MLLT3: variants seen among roughly 807,000 people sequenced by gnomAD.
The protein encoded by MLLT3 is protein AF-9.
Under a neutral mutation model 53.2 loss-of-function variants are expected in MLLT3, and 4 were observed. The ratio of observed to expected loss-of-function variants is 0.08; its 90% CI spans 0.04 to 0.17. MLLT3 has a LOEUF of 0.17. Among genes scored for constraint, MLLT3 ranks in the 10% least tolerant of loss-of-function variants. The pLI is 1.00. For missense variants in MLLT3, 569 were observed against 684.0 expected, an observed-to-expected ratio of 0.83 and a Z score of 1.87; for synonymous variants, 283 against 230.6, an observed-to-expected ratio of 1.23 and a Z score of -2.06.
At chr9:20,530,139 G>A (rs1397469249) in intron 2 of MLLT3, among the ~76,000 whole-genome samples, 1 of 152,150 alleles carries the variant, frequency 6.6e-6, no homozygotes, top group African/African-American at 2.4e-5. Flanking sequence ...GCTTAGAAAC[G>A]CCATGTTTTA....
chr9:20,437,891 A>G (rs1823445398), intron 4 of MLLT3, among the ~76,000 whole-genome samples: 1 of 152,226 alleles, frequency 6.6e-6, no homozygotes, highest in Non-Finnish European at 1.5e-5. Context: ...GGGCTACATT[A>G]TTCAGCTGGT....
chr9:20,418,102 A>C (rs1822917832), intron 4 of MLLT3, among the ~76,000 whole-genome samples: 1 of 152,214 alleles, frequency 6.6e-6, no homozygotes, highest in Admixed American at 6.5e-5. Flanking sequence ...TTACTTATCA[A>C]AACCAACAAA....
chr9:20,494,230 A>G (rs888031760), intron 2 of MLLT3, among the ~76,000 whole-genome samples: 5 of 152,090 alleles, frequency 3.3e-5, no homozygotes, highest in Non-Finnish European at 7.4e-5. Context: ...TCAGGATCCT[A>G]AGGAATTTTC....
At chr9:20,522,839 T>C (rs1003702152) in intron 2 of MLLT3, among the ~76,000 whole-genome samples, 2 of 152,122 alleles carry the variant, frequency 1.3e-5, no homozygotes, top group African/African-American at 4.8e-5. Context: ...TGCGTGCCTG[T>C]AGGGCCAGCT....
chr9:20,582,011 TCTC>T (rs902610990), intron 2 of MLLT3, among the ~76,000 whole-genome samples: 8 of 152,204 alleles, frequency 5.3e-5, no homozygotes, highest in African/African-American at 1.9e-4. Flanking sequence ...ATTAAATTAT[TCTC>T]CTTACAAAAC....
intron 2 of MLLT3, among the ~76,000 whole-genome samples, chr9:20,495,881 G>A (rs964462912): frequency 4.6e-5 from 7 of 152,022 alleles, no homozygotes; most frequent in African/African-American, 9.7e-5. Flanking sequence ...ATAGGCCCTC[G>A]GCTCACAGTA....
intron 1 of MLLT3, chr9:20,622,006 T>C: frequency 8.7e-7 from 1 of 1,143,804 alleles, no homozygotes; most frequent in Non-Finnish European, 1.1e-6. Flanking sequence ...GCGCGGGGGG[T>C]GGAGGGGCGA....
chr9:20,532,542 G>A lies in MLLT3; in HGVS notation c.194-75756C>T, dbSNP rs773212345. On this transcript the variant is annotated intron_variant, in intron 2 of 10. Coordinates refer to ENST00000380338, the MANE Select transcript of MLLT3 (RefSeq NM_004529.4). ...AAATGTCATCTTGCTCTCTCCTTCC[G>A]CCACCCAAGGTTCCCAAAGGAAAGA... 7.3e-5 allele frequency: 16 copies of A among 219,840 alleles called. No individual in the cohort carries two copies. In the South Asian group the frequency reaches 7.7e-4, roughly 11 times the overall value. 13.6% of individuals were successfully genotyped at this position (219,840 alleles called of 1,614,324 possible). A position where few individuals can be genotyped will look rare whatever the true frequency, so the allele number is the denominator to read the frequency against.
At chr9:20,500,973 T>C (rs1348257024) in intron 2 of MLLT3, among the ~76,000 whole-genome samples, 1 of 152,192 alleles carries the variant, frequency 6.6e-6, no homozygotes, top group East Asian at 1.9e-4. Flanking sequence ...AAATCATTCT[T>C]TCATTAGTTT....
intron 4 of MLLT3, among the ~76,000 whole-genome samples, chr9:20,422,904 C>T (rs918535384): frequency 5.9e-5 from 9 of 152,162 alleles, no homozygotes; most frequent in Admixed American, 1.3e-4. Flanking sequence ...CTAATCCAGA[C>T]TGATGTAGAA....
chr9:20,349,472 GC>G (rs1447057043), intron 10 of MLLT3, among the ~76,000 whole-genome samples: 1 of 151,542 alleles, frequency 6.6e-6, no homozygotes. Flanking sequence ...CATTTCATTA[GC>G]ACTAAAATAA....
chr9:20,400,666 T>C (rs1822432094), intron 5 of MLLT3, among the ~76,000 whole-genome samples: 1 of 152,042 alleles, frequency 6.6e-6, no homozygotes, highest in Admixed American at 6.6e-5. Flanking sequence ...TGAGTGATGG[T>C]CCATGAAGGG....
chr9:20,425,861 G>A (rs1823127791), intron 4 of MLLT3, among the ~76,000 whole-genome samples: 3 of 151,802 alleles, frequency 2.0e-5, no homozygotes, highest in South Asian at 4.2e-4. Context: ...AGAATTTAAG[G>A]TAAACCCAAT....
At chr9:20,547,604 A>G (rs942240294) in intron 2 of MLLT3, among the ~76,000 whole-genome samples, 16 of 144,116 alleles carry the variant, frequency 1.1e-4, no homozygotes, top group Non-Finnish European at 1.8e-4. Context: ...AGATCGCACC[A>G]TTGCACTCCA....
intron 2 of MLLT3, among the ~76,000 whole-genome samples, chr9:20,496,087 A>AT (rs1825073670): frequency 6.6e-6 from 1 of 152,304 alleles, no homozygotes; most frequent in South Asian, 2.1e-4. Flanking sequence ...AGTCCACAGA[A>AT]TTTTTAACAA....
chr9:20,354,311 T>A (rs921236599), intron 9 of MLLT3, among the ~76,000 whole-genome samples: 1 of 152,230 alleles, frequency 6.6e-6, no homozygotes, highest in African/African-American at 2.4e-5. Flanking sequence ...CCAGCACCAT[T>A]TGCGATAAAG....
chr9:20,372,630 G>A (rs533858277), intron 5 of MLLT3, among the ~76,000 whole-genome samples: 5 of 132,662 alleles, frequency 3.8e-5, no homozygotes, highest in Non-Finnish European at 6.1e-5. Context: ...GGATGGTCTC[G>A]ATCTCCTGAC....
At chr9:20,471,307 T>C (rs1192723278) in intron 2 of MLLT3, among the ~76,000 whole-genome samples, 1 of 151,970 alleles carries the variant, frequency 6.6e-6, no homozygotes, top group African/African-American at 2.4e-5. Flanking sequence ...TTTAAAACAG[T>C]AATGCGATGT....
rs564418745 is a variant in MLLT3, at chr9:20,584,742, G to A, written c.193+35912C>T. On this transcript the variant is annotated intron_variant, in intron 2 of 10. Coordinates refer to ENST00000380338, the MANE Select transcript of MLLT3 (RefSeq NM_004529.4). Reference sequence around the variant, plus strand: ...TCCCCCTAGGTCCCTCCCAAAACACGTGGGAACTCTGGGAGATACAATTCA... The same window carrying A: ...TCCCCCTAGGTCCCTCCCAAAACACATGGGAACTCTGGGAGATACAATTCA... Among the ~76,000 whole-genome samples the A allele has an allele frequency of 7.6e-4, 115 of 152,300 alleles. 1 individual carries two copies. Among genetic ancestry groups the A allele is most frequent in the Middle Eastern group, 3.4e-3 (1 of 294 alleles).
Sources: gnomAD v4.1 joint callset for allele counts (sites outside exome capture counted in the v4.1 genomes callset) on GRCh38, gnomAD v4.1.1 for gene constraint, MANE v1.5 for transcripts, NCBI Gene and HGNC (gene_info 2026-07-23, HGNC 2026-07-21) for gene names.